Variants in TWIST2 observed in about 807,000 individuals in gnomAD.
The protein encoded by TWIST2 is twist-related protein 2.
Under a neutral mutation model 11.6 loss-of-function variants are expected in TWIST2, and 1 was observed. The observed-to-expected ratio is 0.09, with a 90% CI of 0.03 to 0.41. TWIST2 has a LOEUF of 0.41. Ranked by LOEUF, TWIST2 falls within the 10% of genes least tolerant of loss-of-function variation. The pLI is 0.98. For missense variants in TWIST2, 168 were observed against 226.4 expected (o/e 0.74, Z 1.66); for synonymous variants, 87 against 96.6 (o/e 0.90, Z 0.58).
intron 1 of TWIST2, among the ~76,000 whole-genome samples, chr2:238,905,977 G>A (rs1217439554): frequency 8.0e-5 from 11 of 137,692 alleles, no homozygotes; most frequent in South Asian, 2.2e-4. Flanking sequence ...GTGTGTGCGC[G>A]CGCGTGTACG....
rs1399282624 is a variant in TWIST2 at position 238,905,887 on chromosome 2, G to A, written c.*36-3955G>A. On this transcript the variant is annotated intron_variant, in intron 1 of 1. Coordinates refer to ENST00000612363, the MANE Select transcript of TWIST2 (RefSeq NM_001271893.4). The stretch of plus-strand genomic sequence containing the variant: ...TGTGCGTGCGTGTGTGTGCATGTGC[G>A]CGCATGCGCGTGTGTGCGTGTGTGT... Among the ~76,000 whole-genome samples the A allele has an allele frequency of 1.4e-3, 208 of 146,506 alleles. 1 individual carries two copies. Among genetic ancestry groups the A allele is most frequent in the African/African-American group, 4.9e-3 (185 of 37,882 alleles).
chr2:238,884,749 T>C (rs1693001011), intron 1 of TWIST2, among the ~76,000 whole-genome samples: 2 of 152,214 alleles, frequency 1.3e-5, no homozygotes, highest in African/African-American at 2.4e-5. Context: ...TGGCAAAATG[T>C]ACCTCGCAGG....
At chr2:238,853,543 C>A (rs920005530) in intron 1 of TWIST2, among the ~76,000 whole-genome samples, 2 of 151,616 alleles carry the variant, frequency 1.3e-5, no homozygotes, top group Admixed American at 6.6e-5. Context: ...AACATATTTT[C>A]TGTTTTTGTT....
intron 1 of TWIST2, among the ~76,000 whole-genome samples, chr2:238,899,177 G>A (rs1693241231): frequency 6.6e-6 from 1 of 152,262 alleles, no homozygotes; most frequent in Non-Finnish European, 1.5e-5. Flanking sequence ...TGCTTGGTCT[G>A]CACGGTCCCC....
At chr2:238,899,699 C>G (rs1286236679) in intron 1 of TWIST2, among the ~76,000 whole-genome samples, 1 of 152,202 alleles carries the variant, frequency 6.6e-6, no homozygotes, top group Non-Finnish European at 1.5e-5. Context: ...TGGAATAAAC[C>G]CTTCTTGGTC....
At chr2:238,874,134 A>T (rs1692762850) in intron 1 of TWIST2, among the ~76,000 whole-genome samples, 1 of 152,138 alleles carries the variant, frequency 6.6e-6, no homozygotes, top group South Asian at 2.1e-4. Context: ...GAGGGATGGG[A>T]TCCCATGTGC....
At chr2:238,890,028 CA>C (rs1324902916) in intron 1 of TWIST2, among the ~76,000 whole-genome samples, 1 of 152,158 alleles carries the variant, frequency 6.6e-6, no homozygotes, top group Non-Finnish European at 1.5e-5. Flanking sequence ...GCAAATGGGC[CA>C]GGGGGAGCCT....
At chr2:238,851,122 A>G (rs1207785496) in intron 1 of TWIST2, among the ~76,000 whole-genome samples, 1 of 152,236 alleles carries the variant, frequency 6.6e-6, no homozygotes, top group African/African-American at 2.4e-5. Context: ...ATTTCAGTAC[A>G]TTGTAAGTGA....
intron 1 of TWIST2, among the ~76,000 whole-genome samples, chr2:238,903,481 T>G (rs1353211798): frequency 7.4e-4 from 80 of 107,674 alleles, no homozygotes; most frequent in African/African-American, 2.9e-3. Flanking sequence ...TGTGTGTGCA[T>G]GATGTGAGGT....
chr2:238,862,306 A>G (rs555533375), intron 1 of TWIST2, among the ~76,000 whole-genome samples: 40 of 152,370 alleles, frequency 2.6e-4, no homozygotes, highest in Admixed American at 5.2e-4. Context: ...ATTTTAGAAG[A>G]ACCAGGAAGA....
intron 1 of TWIST2, among the ~76,000 whole-genome samples, chr2:238,862,788 C>T (rs1469707474): frequency 6.6e-6 from 1 of 152,162 alleles, no homozygotes; most frequent in Non-Finnish European, 1.5e-5. Flanking sequence ...ATTAAAATGT[C>T]CTGGGAAATA....
intron 1 of TWIST2, among the ~76,000 whole-genome samples, chr2:238,886,018 C>A (rs1693028700): frequency 6.6e-6 from 1 of 151,554 alleles, no homozygotes; most frequent in South Asian, 2.1e-4. Context: ...ATCTCTTGAC[C>A]CTGGGAGGCG....
chr2:238,891,370 G>C (rs1024329289), intron 1 of TWIST2, among the ~76,000 whole-genome samples: 1 of 152,214 alleles, frequency 6.6e-6, no homozygotes, highest in Non-Finnish European at 1.5e-5. Context: ...GGTCATGGCT[G>C]ATGACTGGCC....
At chr2:238,858,147 A>G (rs146738099) in intron 1 of TWIST2, among the ~76,000 whole-genome samples, 1 of 152,268 alleles carries the variant, frequency 6.6e-6, no homozygotes, top group African/African-American at 2.4e-5. Context: ...AACCAGAAAG[A>G]GGAAAAGAGG....
chr2:238,864,599 G>C lies in TWIST2; in HGVS notation c.*35+15866G>C, dbSNP rs959613211. Among the ~76,000 whole-genome samples, 1 of 152,130 alleles carries C rather than the reference G, an allele frequency of 6.6e-6. No homozygotes were observed. Among genetic ancestry groups the C allele is most frequent in the African/African-American group, 2.4e-5 (1 of 41,440 alleles). On this transcript the variant is annotated intron_variant, in intron 1 of 1. Transcript: ENST00000612363. This position sits in a 1 kb window ranked among gnomAD's most constrained non-coding sequence, Gnocchi z 4.7. ...ACTAAGGGCACCAGGCAGCCCACCC[G>C]GCCCGGCCAAGACCAGCAGGACAGG...
chr2:238,870,184 A>C (rs1336249925), intron 1 of TWIST2, among the ~76,000 whole-genome samples: 4 of 29,848 alleles, frequency 1.3e-4, no homozygotes, highest in African/African-American at 3.5e-4. Context: ...CCCCACACAC[A>C]CATCACATAC....
At chr2:238,853,663 A>G (rs1220030294) in intron 1 of TWIST2, among the ~76,000 whole-genome samples, 1 of 152,232 alleles carries the variant, frequency 6.6e-6, no homozygotes, top group Non-Finnish European at 1.5e-5. Flanking sequence ...AAGCTCTTGT[A>G]AACTGAGGCA....
At chr2:238,900,978 C>T (rs1188500389) in intron 1 of TWIST2, among the ~76,000 whole-genome samples, 1 of 128,298 alleles carries the variant, frequency 7.8e-6, no homozygotes, top group Non-Finnish European at 1.7e-5. Flanking sequence ...CTTCTCCTTC[C>T]CCCCCGGCTT....
intron 1 of TWIST2, among the ~76,000 whole-genome samples, chr2:238,900,114 C>T (rs1040172657): frequency 2.0e-5 from 3 of 152,170 alleles, no homozygotes; most frequent in Non-Finnish European, 4.4e-5. Context: ...TGTTATTCTT[C>T]GTGGGGTAGA....
Sources: allele counts gnomAD v4.1 joint callset (sites outside exome capture counted in the v4.1 genomes callset), GRCh38; gene constraint gnomAD v4.1.1; non-coding constraint Gnocchi (gnomAD v3.1); transcripts MANE v1.5; gene names NCBI Gene and HGNC (gene_info 2026-07-23, HGNC 2026-07-21).